Variants in TMEM52B observed in about 807,000 individuals in gnomAD.
TMEM52B encodes the protein transmembrane protein 52B, also known as chromosome 12 open reading frame 59.
A neutral mutation model predicts 16.1 loss-of-function variants in TMEM52B; 11 were observed. The ratio of observed to expected loss-of-function variants is 0.68; its 90% confidence interval spans 0.43 to 1.13. The LOEUF (loss-of-function observed/expected upper bound fraction) is 1.13, where lower values mean the gene tolerates loss of function less well. Among genes scored for constraint, TMEM52B ranks in the 50% most tolerant of loss-of-function variants. The pLI, the probability that TMEM52B is intolerant of heterozygous loss-of-function variation, is 0.00. For missense variants in TMEM52B, 243 were observed against 230.4 expected (o/e 1.05, Z -0.35); for synonymous variants, 101 against 93.8 (o/e 1.08, Z -0.45).
Position 10,186,581 on chromosome 12 carries a change from C to G in TMEM52B, c.299C>G (p.Thr100Ser). 1 of 1,584,236 alleles carries G rather than the reference C, an allele frequency of 6.3e-7. No individual in the cohort carries two copies. The highest frequency in any genetic ancestry group is 8.6e-7 in the Non-Finnish European group (1 of 1,159,902). Residue 100 changes from threonine (T) to serine (S), a missense_variant, in exon 4 of 5, where the codon ACT becomes AGT. By Grantham distance (58) the Thr-to-Ser change is moderately conservative. Coordinates refer to ENST00000543484, the MANE Select transcript of TMEM52B (RefSeq NM_001384896.1). ...GATCACGACAGCACTCTCCAGAGCA[C>G]TATCACATGTGAGTACACTGAACTT... ...AFDHDSTLQS[T>S]ITSLQSVFGP...
intron 1 of TMEM52B, chr12:10,171,914 A>G (rs749118882): frequency 2.1e-6 from 2 of 945,216 alleles, no homozygotes; most frequent in Non-Finnish European, 3.4e-6. Context: ...TTGGGTGTTT[A>G]GCTTTCTAAT....
chr12:10,178,560 T>G (rs1009625195), upstream of TMEM52B, among the ~76,000 whole-genome samples: 2 of 151,184 alleles, frequency 1.3e-5, no homozygotes, highest in Non-Finnish European at 2.9e-5. Context: ...TGCTTTTGCA[T>G]GTGTGCTTGT....
intron 1 of TMEM52B, among the ~76,000 whole-genome samples, chr12:10,171,265 T>A (rs1948714008): frequency 6.6e-6 from 1 of 152,234 alleles, no homozygotes; most frequent in Non-Finnish European, 1.5e-5. Context: ...ACAATACTTG[T>A]CTCTCTTTCT....
chr12:10,186,549 T>G lies in TMEM52B; in HGVS notation c.267T>G (p.Ile89Met). The change falls in exon 4 of 5, where the codon ATT (isoleucine) becomes ATG (methionine). Residue 89 changes from isoleucine to methionine, a missense_variant. Coordinates refer to ENST00000543484, the MANE Select transcript of TMEM52B (RefSeq NM_001384896.1). ...CACCACCCTGTGAAGTGACCGTCAT[T>G]GCTTTCGATCACGACAGCACTCTCC... ...GGPPPCEVTV[I>M]AFDHDSTLQS... 6.2e-7 allele frequency: 1 copy of G among 1,608,558 alleles called. No individual in the cohort carries two copies. Among genetic ancestry groups the G allele is most frequent in the African/African-American group, 1.3e-5 (1 of 74,998 alleles).
chr12:10,182,694 A>G lies in TMEM52B; in HGVS notation c.98+101A>G. 14 of 1,210,128 alleles carry G rather than the reference A, an allele frequency of 1.2e-5. 1 individual carries two copies. The South Asian group carries it at 2.6e-4, about 22-fold the overall frequency. The allele number at this position is 1,210,128 out of a possible 1,614,324, so 75.0% of individuals were successfully genotyped here. ...CATTAGACATCTATGACTTCTTTTT[A>G]TTTATTTTTACTTAAGTAATAGATC... On this transcript the variant is annotated intron_variant, in intron 2 of 4. Coordinates refer to ENST00000543484, the MANE Select transcript of TMEM52B (RefSeq NM_001384896.1).
In TMEM52B at chr12:10,179,544, C is replaced by G; in HGVS notation, c.-31C>G. ...GAAAGGAGGCAACGGATGCCCAGTG[C>G]AAGATTCTGAAGAAGCAGGAATTCA... On this transcript the variant is annotated 5_prime_UTR_variant, in exon 1 of 5. Transcript: ENST00000543484. The G allele has an allele frequency of 6.2e-7, 1 of 1,613,802 alleles. No homozygotes were observed. The highest frequency in any genetic ancestry group is 1.6e-4 in the Middle Eastern group (1 of 6,062).
At position 10,171,973 on chromosome 12, in the gene TMEM52B, C is replaced by A. The variant is rs766392306; in HGVS notation, c.-95+1122C>A. On this transcript the variant is annotated intron_variant, in intron 1 of 5. Transcript: ENST00000381923. ...TTTGGGGCTAACACTGGGATTCTTT[C>A]CCTGTACACATTTTCCCATCCCTAG... 7.7e-6 allele frequency: 12 copies of A among 1,551,368 alleles called. No individual in the cohort carries two copies. In the South Asian group the frequency reaches 1.3e-4, roughly 17 times the overall value.
chr12:10,189,169 C>G (rs536089926), intron 4 of TMEM52B, among the ~76,000 whole-genome samples: 2 of 145,652 alleles, frequency 1.4e-5, no homozygotes, highest in South Asian at 4.3e-4. Context: ...TGCCACTGCA[C>G]TCCAACCTGG....
At chr12:10,176,687 C>A (rs1948767907), upstream of TMEM52B, among the ~76,000 whole-genome samples, 1 of 152,124 alleles carries the variant, frequency 6.6e-6, no homozygotes. Flanking sequence ...TCAAAATAAT[C>A]TTAGCAAACA....
At chr12:10,179,967 G>A (rs190214608) in intron 1 of TMEM52B, among the ~76,000 whole-genome samples, 6 of 152,244 alleles carry the variant, frequency 3.9e-5, no homozygotes, top group African/African-American at 1.4e-4. Flanking sequence ...ATGAAAACTA[G>A]GTGTGTAATT....
chr12:10,180,328 T>C (rs922064901), intron 1 of TMEM52B, among the ~76,000 whole-genome samples: 2 of 150,738 alleles, frequency 1.3e-5, no homozygotes, highest in Non-Finnish European at 3.0e-5. Context: ...TGAAAATCCA[T>C]TTTTTCTTAT....
upstream of TMEM52B, among the ~76,000 whole-genome samples, chr12:10,178,165 G>C (rs1337364917): frequency 9.2e-5 from 14 of 151,738 alleles, no homozygotes. Context: ...AAAGTGCTGG[G>C]ATTACAGGCA....
At chr12:10,181,620 G>T (rs191914999) in intron 1 of TMEM52B, among the ~76,000 whole-genome samples, 1 of 151,062 alleles carries the variant, frequency 6.6e-6, no homozygotes, top group African/African-American at 2.4e-5. Flanking sequence ...GAGCCACCAC[G>T]CCTGGCCTGG....
intron 1 of TMEM52B, among the ~76,000 whole-genome samples, chr12:10,173,078 T>A (rs908519646): frequency 3.9e-5 from 6 of 152,170 alleles, no homozygotes; most frequent in Admixed American, 1.3e-4. Context: ...ACAGTTGAAT[T>A]ACCCATCAAA....
chr12:10,183,649 A>G (rs1948848345), intron 2 of TMEM52B, among the ~76,000 whole-genome samples: 1 of 150,596 alleles, frequency 6.6e-6, no homozygotes, highest in African/African-American at 2.4e-5. Flanking sequence ...TCCTTCTCCC[A>G]TACAATCCCT....
At chr12:10,177,767 AAATAAT>A (rs199747831), upstream of TMEM52B, among the ~76,000 whole-genome samples, 2,839 of 118,444 alleles carry the variant, frequency 0.024, 50 homozygotes, top group East Asian at 0.047. Flanking sequence ...ACTCTGTCTC[AAATAAT>A]AATAATAATA....
chr12:10,182,020 C>CAAAAAAAAAAAAAAAAAAAAAAAA (rs765078092), intron 1 of TMEM52B: 1 of 621,824 alleles, frequency 1.6e-6, no homozygotes, highest in African/African-American at 3.5e-5. Flanking sequence ...GAGCAAGACT[C>CAAAAAAAAAAAAAAAAAAAAAAAA]AAAAAAAAAA....
chr12:10,185,442 A>T, intron 3 of TMEM52B, 74 bp downstream of exon 3: 2 of 1,082,768 alleles, frequency 1.8e-6, no homozygotes, highest in Non-Finnish European at 2.9e-6. Context: ...CTGCCTACTT[A>T]CTTAGCATCT....
Position 10,190,060 on chromosome 12 carries a change from G to C in TMEM52B, c.472G>C (p.Asp158His), listed in dbSNP as rs1214685916. 3 of 1,614,062 alleles carry C rather than the reference G, an allele frequency of 1.9e-6. No homozygotes were observed. The South Asian group carries it at 3.3e-5, about 18-fold the overall frequency. The stretch of plus-strand genomic sequence containing the variant: ...AGCCATGTGCGGGCAGAAAGCACCT[G>C]ATCTACCCCCAGTACCTGAAGAAAA... ...TVAMCGQKAP[D>H]LPPVPEEKQL... The change falls in exon 5 of 5, where the codon GAT becomes CAT. Residue 158 changes from aspartate to histidine, a missense_variant. Asp to His is a moderately conservative substitution (Grantham distance 81, BLOSUM62 -1). Coordinates refer to ENST00000543484, the MANE Select transcript of TMEM52B (RefSeq NM_001384896.1).
Sources: allele counts gnomAD v4.1 joint callset (sites outside exome capture counted in the v4.1 genomes callset), GRCh38; gene constraint gnomAD v4.1.1; transcripts MANE v1.5; gene names NCBI Gene and HGNC (gene_info 2026-07-23, HGNC 2026-07-21).